The following RIT2 variants were observed in gnomAD, a reference collection of about 807,000 sequenced individuals.
RIT2 encodes the protein Ras like without CAAX 2, also known as GTP-binding protein Rit2.
A neutral mutation model predicts 23.7 loss-of-function variants in RIT2; 24 were observed. The ratio of observed to expected loss-of-function variants is 1.01; its 90% CI spans 0.73 to 1.43. The LOEUF is 1.43. RIT2 is among the 40% of genes most tolerant of loss of function. The pLI is 0.00. For synonymous variants in RIT2, 107 were observed against 91.1 expected (o/e 1.17, Z -0.99); for missense variants, 236 against 266.9 (o/e 0.88, Z 0.81).
At position 42,882,855 on chromosome 18, in the gene RIT2, T is replaced by C. The variant is rs866530662; in HGVS notation, c.426+40717A>G. ...GGTGCTTTGTAGTTCTAGTAAACTA[T>C]GAAAAATTAGGCACATTTGTAGATT... is the stretch of plus-strand genomic sequence containing the variant. On this transcript the variant is annotated intron_variant, in intron 4 of 4. Coordinates refer to ENST00000326695, the MANE Select transcript of RIT2 (RefSeq NM_002930.4). Among the ~76,000 whole-genome samples, 5 of 152,310 alleles carry C rather than the reference T, an allele frequency of 3.3e-5. No individual in the cohort carries two copies. The Middle Eastern group carries it at 0.017, about 518-fold the overall frequency.
intron 4 of RIT2, among the ~76,000 whole-genome samples, chr18:42,793,037 C>T (rs1350333553): frequency 1.3e-5 from 2 of 150,760 alleles, no homozygotes; most frequent in African/African-American, 2.5e-5. Flanking sequence ...TTCACAAGCA[C>T]TCTCACTGTT....
intron 1 of RIT2, among the ~76,000 whole-genome samples, chr18:43,102,200 T>C (rs543973503): frequency 1.3e-5 from 2 of 152,154 alleles, no homozygotes; most frequent in South Asian, 4.1e-4. Flanking sequence ...AGAATGATTT[T>C]TACCCTCCCA....
At chr18:42,811,939 T>A (rs1000701709) in intron 4 of RIT2, among the ~76,000 whole-genome samples, 2 of 152,134 alleles carry the variant, frequency 1.3e-5, no homozygotes, top group African/African-American at 4.8e-5. Context: ...TACTTATGTA[T>A]GAATATTGAA....
At chr18:42,792,031 G>A (rs1210854124) in intron 4 of RIT2, among the ~76,000 whole-genome samples, 1 of 152,182 alleles carries the variant, frequency 6.6e-6, no homozygotes, top group Admixed American at 6.5e-5. Context: ...CTTTGGATCT[G>A]TTGTAGTTTT....
At chr18:42,953,260 G>T (rs947832640) in intron 3 of RIT2, among the ~76,000 whole-genome samples, 1 of 152,010 alleles carries the variant, frequency 6.6e-6, no homozygotes, top group Non-Finnish European at 1.5e-5. Flanking sequence ...CTAAGTCATT[G>T]TACATTATTA....
chr18:42,849,575 T>C (rs992924731), intron 4 of RIT2, among the ~76,000 whole-genome samples: 11 of 152,134 alleles, frequency 7.2e-5, no homozygotes, highest in African/African-American at 1.2e-4. Context: ...AATATAGTCA[T>C]TGATTATTAT....
chr18:43,094,123 GTT>G (rs376144367), intron 1 of RIT2, among the ~76,000 whole-genome samples: 1 of 116,048 alleles, frequency 8.6e-6, no homozygotes, highest in African/African-American at 3.3e-5. Flanking sequence ...GGTTTTTTTT[GTT>G]TTTTTTTTTT....
At chr18:42,774,732 G>A (rs1913628392) in intron 4 of RIT2, among the ~76,000 whole-genome samples, 1 of 151,472 alleles carries the variant, frequency 6.6e-6, no homozygotes, top group Non-Finnish European at 1.5e-5. Flanking sequence ...AATATTAGGA[G>A]AGCTATATCT....
intron 4 of RIT2, among the ~76,000 whole-genome samples, chr18:42,751,084 C>CAT (rs958346484): frequency 6.6e-6 from 1 of 151,832 alleles, no homozygotes; most frequent in Admixed American, 6.6e-5. Context: ...AAAAGATCAA[C>CAT]ATATCTATGG....
chr18:42,810,630 A>C lies in RIT2; in HGVS notation c.427-66910T>G, dbSNP rs537345608. 1.8e-4 allele frequency among the ~76,000 whole-genome samples: 27 copies of C among 152,098 alleles called. No individual in the cohort carries two copies. The South Asian group carries it at 5.4e-3, about 30-fold the overall frequency. The stretch of plus-strand genomic sequence containing the variant: ...TCAAGCAAGGAATCTCACTGACCTC[A>C]CTATAAATAACTGCTTGCCTTTCAA... On this transcript the variant is annotated intron_variant, in intron 4 of 4. Coordinates refer to ENST00000326695, the MANE Select transcript of RIT2 (RefSeq NM_002930.4).
chr18:42,875,751 C>T (rs955148267), intron 4 of RIT2, among the ~76,000 whole-genome samples: 1 of 152,042 alleles, frequency 6.6e-6, no homozygotes, highest in African/African-American at 2.4e-5. Flanking sequence ...TACCCATCTC[C>T]ACCCAAATCT....
At chr18:43,032,127 T>C (rs1911868251) in intron 2 of RIT2, among the ~76,000 whole-genome samples, 1 of 152,154 alleles carries the variant, frequency 6.6e-6, no homozygotes, top group East Asian at 1.9e-4. Flanking sequence ...CTTCTAAAGC[T>C]GTTTTATTTA....
intron 4 of RIT2, among the ~76,000 whole-genome samples, chr18:42,855,335 G>A (rs1361877560): frequency 6.6e-6 from 1 of 152,108 alleles, no homozygotes; most frequent in African/African-American, 2.4e-5. Flanking sequence ...AAATTTATAA[G>A]AGATTAAGAG....
chr18:42,951,891 G>T (rs1909859418), intron 3 of RIT2, among the ~76,000 whole-genome samples: 1 of 152,096 alleles, frequency 6.6e-6, no homozygotes, highest in South Asian at 2.1e-4. Flanking sequence ...AGGTTTAATT[G>T]ACTCACAGTT....
chr18:42,779,701 G>C (rs923317457), intron 4 of RIT2, among the ~76,000 whole-genome samples: 47 of 152,160 alleles, frequency 3.1e-4, no homozygotes, highest in African/African-American at 1.1e-3. Flanking sequence ...AAATGCATGA[G>C]AGAATTACTG....
intron 4 of RIT2, among the ~76,000 whole-genome samples, chr18:42,768,693 C>T (rs1019591178): frequency 6.6e-6 from 1 of 151,996 alleles, no homozygotes; most frequent in Non-Finnish European, 1.5e-5. Context: ...CATTTCCTAG[C>T]TGGATACTAG....
chr18:42,858,460 G>T (rs1907243984), intron 4 of RIT2, among the ~76,000 whole-genome samples: 1 of 152,170 alleles, frequency 6.6e-6, no homozygotes, highest in Non-Finnish European at 1.5e-5. Context: ...GAAACCCACA[G>T]AAGTAGACAG....
chr18:43,044,548 A>G (rs1912202833), intron 1 of RIT2, among the ~76,000 whole-genome samples: 1 of 152,228 alleles, frequency 6.6e-6, no homozygotes, highest in Admixed American at 6.5e-5. Context: ...GAACAAATCC[A>G]TCACAGTTCA....
chr18:43,066,262 T>A (rs1199209521), intron 1 of RIT2, among the ~76,000 whole-genome samples: 1 of 152,146 alleles, frequency 6.6e-6, no homozygotes, highest in South Asian at 2.1e-4. Context: ...TCCAGAATGA[T>A]CTAGAACATG....
Sources: gnomAD v4.1 joint callset for allele counts (sites outside exome capture counted in the v4.1 genomes callset) on GRCh38, gnomAD v4.1.1 for gene constraint, MANE v1.5 for transcripts, NCBI Gene and HGNC (gene_info 2026-07-23, HGNC 2026-07-21) for gene names.